Variants in MATN2 observed in about 807,000 individuals in gnomAD.
MATN2 encodes matrilin-2.
Under a neutral mutation model 103.2 loss-of-function variants are expected in MATN2, and 69 were observed. The ratio of observed to expected loss-of-function variants is 0.67; its 90% confidence interval spans 0.55 to 0.82. MATN2 has a LOEUF of 0.82. Among genes scored for constraint, MATN2 ranks in the 40% least tolerant of loss-of-function variants. The pLI is 0.00. For missense variants in MATN2, 1,023 were observed against 1,211.5 expected (o/e 0.84, Z 2.31); for synonymous variants, 429 against 450.2 (o/e 0.95, Z 0.60).
At chr8:98,014,373 C>T (rs535914584) in intron 10 of MATN2, among the ~76,000 whole-genome samples, 1 of 152,298 alleles carries the variant, frequency 6.6e-6, no homozygotes, top group South Asian at 2.1e-4. Context: ...TCCACTCTTA[C>T]ACCATGTGAG....
intron 3 of MATN2, among the ~76,000 whole-genome samples, chr8:97,936,228 T>A (rs903778520): frequency 8.5e-5 from 13 of 152,142 alleles, no homozygotes; most frequent in Non-Finnish European, 1.5e-4. Flanking sequence ...GAAAACGCTG[T>A]CCCCAGTGTT....
intron 7 of MATN2, among the ~76,000 whole-genome samples, chr8:98,001,908 G>A (rs981976455): frequency 2.0e-5 from 3 of 152,146 alleles, no homozygotes; most frequent in African/African-American, 7.2e-5. Flanking sequence ...TGGTTGCCAC[G>A]CTGGCTTAGA....
chr8:97,887,513 G>C (rs372429606), intron 1 of MATN2, among the ~76,000 whole-genome samples: 20 of 152,312 alleles, frequency 1.3e-4, no homozygotes, highest in African/African-American at 4.8e-4. Context: ...CATGGCCTCA[G>C]TCTAGTACCA....
intron 4 of MATN2, among the ~76,000 whole-genome samples, chr8:97,960,154 A>T (rs1192628753): frequency 6.6e-6 from 1 of 152,116 alleles, no homozygotes; most frequent in Non-Finnish European, 1.5e-5. Flanking sequence ...ACGGGGTTTC[A>T]CCATGTTGGT....
chr8:98,002,461 A>G (rs527662154), intron 7 of MATN2, among the ~76,000 whole-genome samples: 2 of 152,340 alleles, frequency 1.3e-5, no homozygotes, highest in South Asian at 2.1e-4. Context: ...GTGCCGTCCA[A>G]TGTCACTGTC....
intron 1 of MATN2, chr8:97,887,798 A>C (rs1818488531): frequency 4.4e-6 from 1 of 229,334 alleles, no homozygotes. Context: ...AACTGATAAG[A>C]AACTTCAGGA....
intron 15 of MATN2, among the ~76,000 whole-genome samples, chr8:98,031,230 T>C (rs1410480899): frequency 6.6e-6 from 1 of 151,962 alleles, no homozygotes; most frequent in Non-Finnish European, 1.5e-5. Flanking sequence ...CTCAGCTACT[T>C]GGGAGACTGA....
intron 1 of MATN2, among the ~76,000 whole-genome samples, chr8:97,875,113 A>G (rs1482677880): frequency 1.3e-5 from 2 of 152,078 alleles, no homozygotes; most frequent in African/African-American, 2.4e-5. Context: ...AGCAACCTTA[A>G]TTCCCTTTGC....
chr8:98,016,999 T>C (rs1417248770), intron 11 of MATN2, among the ~76,000 whole-genome samples: 1 of 152,148 alleles, frequency 6.6e-6, no homozygotes, highest in Non-Finnish European at 1.5e-5. Context: ...TTTGCGTAAA[T>C]CTAAAACTGT....
chr8:97,945,027 G>T (rs1477784436), intron 4 of MATN2, among the ~76,000 whole-genome samples: 1 of 152,154 alleles, frequency 6.6e-6, no homozygotes, highest in African/African-American at 2.4e-5. Context: ...ATAAAAATGT[G>T]CCAGGCAGCA....
chr8:98,032,166 G>A (rs898817007), intron 15 of MATN2, 80 bp from the exon 16 acceptor site: 30 of 1,117,522 alleles, frequency 2.7e-5, no homozygotes, highest in African/African-American at 4.7e-5. Context: ...GTAAGGAGGT[G>A]GTCTGGGACC....
At chr8:97,879,053 A>C (rs903245013) in intron 1 of MATN2, among the ~76,000 whole-genome samples, 5 of 152,200 alleles carry the variant, frequency 3.3e-5, no homozygotes, top group African/African-American at 1.2e-4. Context: ...ATTTTAAAAA[A>C]ATTTATTCAC....
intron 4 of MATN2, among the ~76,000 whole-genome samples, chr8:97,960,748 TTC>T (rs1028163055): frequency 6.6e-6 from 1 of 152,218 alleles, no homozygotes; most frequent in African/African-American, 2.4e-5. Context: ...CAGAGTGAGA[TTC>T]TGTCTCAAAA....
chr8:97,888,324 TG>T lies in MATN2; in HGVS notation c.142+83del, dbSNP rs1818515973. The T allele has an allele frequency of 1.2e-5, 16 of 1,357,972 alleles. 1 individual carries two copies. The South Asian group carries it at 3.0e-4, about 25-fold the overall frequency. The allele number at this position is 1,357,972 out of a possible 1,614,324, so 84.1% of individuals were successfully genotyped here. A position where few individuals can be genotyped will look rare whatever the true frequency, so the allele number is the denominator to read the frequency against. ...TCAGGGACAGGGATTGGTGACTGTT[TG>T]AGAAGCTTTCCTTTCCCTGGGTCCT... On this transcript the variant is annotated intron_variant, in intron 2 of 18. Coordinates refer to ENST00000254898, the MANE Select transcript of MATN2 (RefSeq NM_002380.5).
chr8:97,876,758 C>A (rs937212068), intron 1 of MATN2, among the ~76,000 whole-genome samples: 6 of 152,142 alleles, frequency 3.9e-5, no homozygotes, highest in Non-Finnish European at 8.8e-5. Flanking sequence ...CACCCAGAAT[C>A]CCCGCTCAGG....
intron 4 of MATN2, among the ~76,000 whole-genome samples, chr8:97,948,685 T>A (rs1476039289): frequency 3.3e-5 from 5 of 152,218 alleles, no homozygotes; most frequent in African/African-American, 4.8e-5. Context: ...ATAGATCTTG[T>A]CTTTACCTCA....
chr8:97,983,075 C>A (rs1812079312), intron 6 of MATN2, among the ~76,000 whole-genome samples: 1 of 152,114 alleles, frequency 6.6e-6, no homozygotes, highest in South Asian at 2.1e-4. Context: ...AACCACCATT[C>A]TACTTTCTGT....
At chr8:97,947,965 T>C (rs900677309) in intron 4 of MATN2, among the ~76,000 whole-genome samples, 1 of 152,256 alleles carries the variant, frequency 6.6e-6, no homozygotes. Context: ...ACTTGTTTGA[T>C]GTTCTGTTTA....
intron 10 of MATN2, among the ~76,000 whole-genome samples, chr8:98,011,771 G>C (rs1032518397): frequency 1.3e-5 from 2 of 152,112 alleles, no homozygotes; most frequent in Non-Finnish European, 2.9e-5. Context: ...AGCCCCAGAC[G>C]CAGGATTGCT....
Sources: gnomAD v4.1 joint callset for allele counts (sites outside exome capture counted in the v4.1 genomes callset) on GRCh38, gnomAD v4.1.1 for gene constraint, MANE v1.5 for transcripts, NCBI Gene and HGNC (gene_info 2026-07-23, HGNC 2026-07-21) for gene names.